The following CSMD1 variants were observed in gnomAD, a reference collection of about 807,000 sequenced individuals.
CSMD1 encodes CUB and Sushi multiple domains 1.
A neutral mutation model predicts 417.5 loss-of-function variants in CSMD1; 213 were observed. That is an observed-to-expected ratio of 0.51 (90% CI 0.46 to 0.57). The LOEUF (loss-of-function observed/expected upper bound fraction) is 0.57. CSMD1 is among the 20% of genes least tolerant of loss of function. CSMD1 has a pLI of 0.00. For synonymous variants in CSMD1, 2,862 were observed against 1,736.8 expected, an observed-to-expected ratio of 1.65 and a Z score of -16.11; for missense variants, 6,923 against 4,529.7, an observed-to-expected ratio of 1.53 and a Z score of -15.17.
chr8:4,584,149 C>A (rs186119467), intron 2 of CSMD1, among the ~76,000 whole-genome samples: 1 of 151,996 alleles, frequency 6.6e-6, no homozygotes, highest in South Asian at 2.1e-4. Flanking sequence ...AAACTCCAGA[C>A]GCGCCACCTT....
At position 4,023,688 on chromosome 8, in the gene CSMD1, G is replaced by T. The variant is rs543544814; in HGVS notation, c.610+8217C>A. 1.0e-4 allele frequency among the ~76,000 whole-genome samples: 15 copies of T among 144,956 alleles called. No individual in the cohort carries two copies. In the South Asian group the frequency reaches 2.8e-3, roughly 27 times the overall value. On this transcript the variant is annotated intron_variant, in intron 4 of 69. Transcript: ENST00000635120. ...TGCAAGCTCCGCCTCCAGGGTTCACGCCATTCTCCTGCCTCAGCCTCCCGA... is the reference window on the plus strand; with the variant it reads ...TGCAAGCTCCGCCTCCAGGGTTCACTCCATTCTCCTGCCTCAGCCTCCCGA...
At chr8:3,030,142 G>C (rs1585186380) in intron 50 of CSMD1, among the ~76,000 whole-genome samples, 1 of 152,032 alleles carries the variant, frequency 6.6e-6, no homozygotes, top group South Asian at 2.1e-4. Flanking sequence ...AAGAGTAGTA[G>C]CAATTGTAAT....
In CSMD1 at chr8:4,521,171, A is replaced by G. The variant is rs1585196492; in HGVS notation, c.303-101106T>C. On this transcript the variant is annotated intron_variant, in intron 2 of 69. Coordinates refer to ENST00000635120, the MANE Select transcript of CSMD1 (RefSeq NM_033225.6). The stretch of plus-strand genomic sequence containing the variant: ...AACAGTGACTTACAAAAAGAACTAA[A>G]TAAATATATACATTAAAAATTGTTT... Among the ~76,000 whole-genome samples the G allele has an allele frequency of 2.0e-5, 3 of 152,312 alleles. No homozygotes were observed. The East Asian group carries it at 5.8e-4, about 29-fold the overall frequency.
chr8:4,876,677 G>C (rs1048757202), intron 1 of CSMD1, among the ~76,000 whole-genome samples: 1 of 152,000 alleles, frequency 6.6e-6, no homozygotes, highest in Non-Finnish European at 1.5e-5. Context: ...AGTGCCGTTA[G>C]GTGCATATAG....
intron 1 of CSMD1, among the ~76,000 whole-genome samples, chr8:4,832,103 T>A (rs1010324242): frequency 6.6e-6 from 1 of 152,194 alleles, no homozygotes; most frequent in Non-Finnish European, 1.5e-5. Flanking sequence ...GGGAACCTTT[T>A]GTGTACTGTT....
chr8:4,746,219 C>G (rs1221664825), intron 1 of CSMD1, among the ~76,000 whole-genome samples: 2 of 152,102 alleles, frequency 1.3e-5, no homozygotes, highest in Non-Finnish European at 2.9e-5. Flanking sequence ...TCCATGGAAT[C>G]ACCGAAAACG....
At chr8:3,631,189 T>C (rs1160238902) in intron 7 of CSMD1, among the ~76,000 whole-genome samples, 2 of 152,180 alleles carry the variant, frequency 1.3e-5, no homozygotes, top group Admixed American at 6.5e-5. Flanking sequence ...CTTCCCCTTC[T>C]CTATCTACCT....
intron 3 of CSMD1, among the ~76,000 whole-genome samples, chr8:4,302,774 G>A (rs1295671711): frequency 2.0e-5 from 3 of 152,150 alleles, no homozygotes; most frequent in South Asian, 2.1e-4. Flanking sequence ...AGTCCAGGTA[G>A]AGTTGGCACC....
At chr8:4,711,746 G>A (rs1369889687) in intron 1 of CSMD1, among the ~76,000 whole-genome samples, 2 of 152,056 alleles carry the variant, frequency 1.3e-5, no homozygotes, top group Non-Finnish European at 2.9e-5. Flanking sequence ...TCAGTTTGGT[G>A]TGTTTATGTA....
Position 4,905,580 on chromosome 8 carries a change from G to A in CSMD1, c.85+88752C>T, listed in dbSNP as rs564219677. 3.3e-5 allele frequency among the ~76,000 whole-genome samples: 5 copies of A among 151,978 alleles called. 1 individual carries two copies. The South Asian group carries it at 1.0e-3, about 32-fold the overall frequency. ...CACATCTGTAATCCCAGCACTTTGG[G>A]AGGCCAAGGTGGGCCCATCACGAGG... On this transcript the variant is annotated intron_variant, in intron 1 of 69. Transcript: ENST00000635120.
intron 7 of CSMD1, among the ~76,000 whole-genome samples, chr8:3,640,567 G>C (rs1388237889): frequency 6.6e-6 from 1 of 152,176 alleles, no homozygotes; most frequent in African/African-American, 2.4e-5. Flanking sequence ...GATTGGACAA[G>C]AGAAAATATA....
At chr8:3,031,399 G>T (rs1585189258) in intron 50 of CSMD1, among the ~76,000 whole-genome samples, 1 of 151,870 alleles carries the variant, frequency 6.6e-6, no homozygotes, top group South Asian at 2.1e-4. Context: ...CACCAGCATG[G>T]CACATGTATA....
chr8:4,105,586 G>C (rs537474569), intron 3 of CSMD1, among the ~76,000 whole-genome samples: 3 of 152,290 alleles, frequency 2.0e-5, no homozygotes, highest in South Asian at 2.1e-4. Flanking sequence ...CTATGAGTAG[G>C]TGATGAGGGC....
Position 4,545,942 on chromosome 8 carries a change from A to AGAAAGAAACTTTCTCC in CSMD1, c.302+91384_302+91399dup, listed in dbSNP as rs374828820. ...ATCACATTCTTGCCTATTCTTTCTC[A>AGAAAGAAACTTTCTCC]GAAAGAAACTTTCTCCCATGTCGCC... On this transcript the variant is annotated intron_variant, in intron 2 of 69. Transcript: ENST00000635120. Among the ~76,000 whole-genome samples, 1,117 of 152,168 alleles carry AGAAAGAAACTTTCTCC rather than the reference A, an allele frequency of 7.3e-3. 13 individuals are homozygous for AGAAAGAAACTTTCTCC. The highest frequency in any genetic ancestry group is 0.026 in the African/African-American group (1,065 of 41,508).
intron 3 of CSMD1, 138 bp downstream of exon 3, chr8:4,419,815 C>T (rs942393760): frequency 1.8e-6 from 1 of 568,182 alleles, no homozygotes. Context: ...AATGCCATTG[C>T]ATTACACAGA....
chr8:3,630,302 G>A (rs11778606), intron 7 of CSMD1, among the ~76,000 whole-genome samples: 98,783 of 151,966 alleles, frequency 0.65, 32,507 homozygotes, highest in Middle Eastern at 0.82. Flanking sequence ...GGAAAAGATG[G>A]GCAGGAATTA....
chr8:3,922,977 T>C (rs943414948), intron 5 of CSMD1, among the ~76,000 whole-genome samples: 4 of 152,180 alleles, frequency 2.6e-5, no homozygotes, highest in African/African-American at 9.7e-5. Flanking sequence ...TCCAGGGCTG[T>C]TTCAGAGAAA....
intron 1 of CSMD1, among the ~76,000 whole-genome samples, chr8:4,795,088 G>A (rs1191692276): frequency 6.6e-6 from 1 of 151,762 alleles, no homozygotes; most frequent in Non-Finnish European, 1.5e-5. Context: ...AGGTAATAGT[G>A]AAGAATCAGG....
chr8:4,469,182 G>T (rs973853149), intron 2 of CSMD1, among the ~76,000 whole-genome samples: 1 of 152,240 alleles, frequency 6.6e-6, no homozygotes, highest in East Asian at 1.9e-4. Context: ...ACACATCAGT[G>T]GCAGGGACCT....
Sources: allele counts gnomAD v4.1 joint callset (sites outside exome capture counted in the v4.1 genomes callset), GRCh38; gene constraint gnomAD v4.1.1; transcripts MANE v1.5; gene names NCBI Gene and HGNC (gene_info 2026-07-23, HGNC 2026-07-21).